The following HIVEP2 variants were observed in gnomAD, a reference collection of about 807,000 sequenced individuals.
The protein encoded by HIVEP2 is transcription factor HIVEP2.
Under a neutral mutation model 180.7 loss-of-function variants are expected in HIVEP2, and 14 were observed. The ratio of observed to expected loss-of-function variants is 0.08; its 90% CI spans 0.05 to 0.12. The LOEUF is 0.12. Ranked by LOEUF, HIVEP2 falls within the 10% of genes least tolerant of loss-of-function variation. The pLI is 1.00. For synonymous variants in HIVEP2, 1,184 were observed against 1,136.4 expected (o/e 1.04, Z -0.84); for missense variants, 2,579 against 3,008.5 (o/e 0.86, Z 3.34).
chr6:142,846,743 T>G (rs761048746), intron 1 of HIVEP2, among the ~76,000 whole-genome samples: 1 of 152,172 alleles, frequency 6.6e-6, no homozygotes, highest in African/African-American at 2.4e-5. Flanking sequence ...AATAGTTCAG[T>G]AATCATCTTA....
At chr6:142,863,252 C>T (rs904229695) in intron 1 of HIVEP2, among the ~76,000 whole-genome samples, 2 of 150,964 alleles carry the variant, frequency 1.3e-5, no homozygotes, top group Non-Finnish European at 3.0e-5. Flanking sequence ...CCTCTTATAA[C>T]AAAACTATAT....
intron 7 of HIVEP2, 80 bp from the exon 8 acceptor site, chr6:142,761,645 G>T: frequency 2.4e-6 from 2 of 819,180 alleles, no homozygotes; most frequent in South Asian, 1.3e-5. Context: ...CAAATTCAAT[G>T]TGAAATGAAC....
At chr6:142,843,534 A>C (rs1562261025) in intron 1 of HIVEP2, among the ~76,000 whole-genome samples, 2 of 152,192 alleles carry the variant, frequency 1.3e-5, no homozygotes, top group Non-Finnish European at 2.9e-5. Context: ...AGAGAAAGAA[A>C]GAGCAGGCCA....
At chr6:142,827,973 T>C (rs1774958347) in intron 2 of HIVEP2, among the ~76,000 whole-genome samples, 1 of 152,234 alleles carries the variant, frequency 6.6e-6, no homozygotes, top group Admixed American at 6.5e-5. Context: ...ACCTTTAGAA[T>C]GTTTTCATCC....
chr6:142,934,024 T>C (rs954279218), intron 1 of HIVEP2, among the ~76,000 whole-genome samples: 4 of 152,212 alleles, frequency 2.6e-5, no homozygotes, highest in Non-Finnish European at 5.9e-5. Flanking sequence ...CAGGAGATAT[T>C]ATAACAAGCT....
At chr6:142,768,023 T>C (rs1404774144) in intron 6 of HIVEP2, among the ~76,000 whole-genome samples, 1 of 152,184 alleles carries the variant, frequency 6.6e-6, no homozygotes, top group Non-Finnish European at 1.5e-5. Flanking sequence ...TTTGTAAGCA[T>C]ACAATAAAAA....
chr6:142,773,289 C>A lies in HIVEP2; in HGVS notation c.1450G>T (p.Asp484Tyr). The change falls in exon 5 of 10, where the codon GAT becomes TAT. Residue 484 changes from aspartate (D) to tyrosine (Y), a missense_variant. Asp to Tyr is a radical substitution (Grantham distance 160). Coordinates refer to ENST00000367603, the MANE Select transcript of HIVEP2 (RefSeq NM_006734.4). ...PVSQLIPSKG[D>Y]VDPSQTSMLK... is the part of the protein sequence containing the mutation. ...ATGCTCGTTTGACTGGGGTCGACATCTCCCTTGCTTGGGATCAGCTGTGAA... is the reference window on the plus strand; with the variant it reads ...ATGCTCGTTTGACTGGGGTCGACATATCCCTTGCTTGGGATCAGCTGTGAA... The A allele has an allele frequency of 2.5e-6, 4 of 1,614,200 alleles. No individual in the cohort carries two copies. Among genetic ancestry groups the A allele is most frequent in the Non-Finnish European group, 3.4e-6 (4 of 1,180,040 alleles).
At chr6:142,808,419 C>G (rs947767435) in intron 2 of HIVEP2, among the ~76,000 whole-genome samples, 15 of 132,588 alleles carry the variant, frequency 1.1e-4, no homozygotes, top group African/African-American at 3.5e-4. Flanking sequence ...GATGGGTGGA[C>G]AGAGGCAAGG....
chr6:142,767,159 G>A (rs868828978), intron 6 of HIVEP2, among the ~76,000 whole-genome samples: 2 of 152,152 alleles, frequency 1.3e-5, no homozygotes, highest in South Asian at 2.1e-4. Flanking sequence ...TGGAGTTCTC[G>A]CTAATCTATT....
At chr6:142,808,013 G>A (rs1776594224) in intron 2 of HIVEP2, among the ~76,000 whole-genome samples, 2 of 152,144 alleles carry the variant, frequency 1.3e-5, no homozygotes, top group African/African-American at 4.8e-5. Flanking sequence ...TTCCTACCCA[G>A]TTCCAAACTC....
At position 142,760,652 on chromosome 6, in the gene HIVEP2, A is replaced by G. The variant is rs752591887; in HGVS notation, c.5636T>C (p.Leu1879Ser). The G allele has an allele frequency of 1.1e-5, 17 of 1,592,764 alleles. No homozygotes were observed. Among genetic ancestry groups the G allele is most frequent in the Non-Finnish European group, 1.5e-5 (17 of 1,170,624 alleles). Reference sequence around the variant, plus strand: ...GCTATGCTTCTCTGCTGCTTTGTGCAAATCTTCCAAATTTTCTGAAACAAT... The same window carrying G: ...GCTATGCTTCTCTGCTGCTTTGTGCGAATCTTCCAAATTTTCTGAAACAAT... Reference protein sequence around the residue: ...ETEEAENLEDLHKAAEKHSMS... With the variant: ...ETEEAENLEDSHKAAEKHSMS... The change falls in exon 9 of 10, where the codon TTG (leucine) becomes TCG (serine). Residue 1879 changes from leucine to serine, a missense_variant. Physicochemically the swap from Leu to Ser is moderately radical, Grantham distance 145 (BLOSUM62 -2). This residue lies in a region of HIVEP2 where 660 missense variants were observed against 731.7 expected (regional missense o/e 0.90). Transcript: ENST00000367603.
chr6:142,799,798 C>T (rs940978831), intron 2 of HIVEP2, among the ~76,000 whole-genome samples: 1 of 152,130 alleles, frequency 6.6e-6, no homozygotes, highest in South Asian at 2.1e-4. Flanking sequence ...TGCAGTTAGT[C>T]CACAAACATA....
At chr6:142,858,655 G>A (rs1187990981) in intron 1 of HIVEP2, among the ~76,000 whole-genome samples, 4 of 151,806 alleles carry the variant, frequency 2.6e-5, no homozygotes, top group Non-Finnish European at 5.9e-5. Context: ...GCAATGACAC[G>A]ATCTCGGCTC....
At chr6:142,851,896 A>C (rs532017418) in intron 1 of HIVEP2, among the ~76,000 whole-genome samples, 1 of 152,354 alleles carries the variant, frequency 6.6e-6, no homozygotes, top group East Asian at 1.9e-4. Context: ...GGGTTCACTC[A>C]TGTCTTTATA....
chr6:142,922,421 G>A (rs965256862), intron 1 of HIVEP2, among the ~76,000 whole-genome samples: 5 of 152,018 alleles, frequency 3.3e-5, no homozygotes, highest in Admixed American at 6.6e-5. Flanking sequence ...CTCTCAATTC[G>A]CATTTAATAA....
At chr6:142,804,937 A>G (rs1378456246) in intron 2 of HIVEP2, among the ~76,000 whole-genome samples, 4 of 152,176 alleles carry the variant, frequency 2.6e-5, no homozygotes, top group Non-Finnish European at 2.9e-5. Context: ...CATCCTTTCA[A>G]TTGGATTCCA....
intron 2 of HIVEP2, among the ~76,000 whole-genome samples, chr6:142,792,321 G>C (rs938698046): frequency 6.6e-6 from 1 of 152,136 alleles, no homozygotes; most frequent in Non-Finnish European, 1.5e-5. Context: ...GAGCAAAGGA[G>C]GAAAAGATAC....
At chr6:142,940,794 A>G (rs1322682338) in intron 1 of HIVEP2, among the ~76,000 whole-genome samples, 27 of 152,216 alleles carry the variant, frequency 1.8e-4, no homozygotes. Flanking sequence ...TAGAGGATTA[A>G]GATTATATGT....
At position 142,769,606 on chromosome 6, in the gene HIVEP2, A is replaced by T; in HGVS notation, c.5133T>A (p.His1711Gln). 6.2e-7 allele frequency: 1 copy of T among 1,614,214 alleles called. No individual in the cohort carries two copies. Among genetic ancestry groups the T allele is most frequent in the Non-Finnish European group, 8.5e-7 (1 of 1,180,028 alleles). Residue 1711 changes from histidine to glutamine, a missense_variant, in exon 5 of 10, where the codon CAT (histidine) becomes CAA (glutamine). By Grantham distance (24) the His-to-Gln change is conservative. Coordinates refer to ENST00000367603, the MANE Select transcript of HIVEP2 (RefSeq NM_006734.4). ...TAEIYTLAAM[H>Q]RPGTGKLTSS... is the part of the protein sequence containing the mutation. ...ATGTAAGCTTGCCGGTTCCAGGCCT[A>T]TGCATAGCAGCCAGAGTATAAATTT...
Sources: allele counts gnomAD v4.1 joint callset (sites outside exome capture counted in the v4.1 genomes callset), GRCh38; gene constraint gnomAD v4.1.1; regional missense constraint gnomAD v4.1.1; transcripts MANE v1.5; gene names NCBI Gene and HGNC (gene_info 2026-07-23, HGNC 2026-07-21).